RBBP4: variants seen among roughly 807,000 people sequenced by gnomAD.
RBBP4 encodes histone-binding protein RBBP4.
Under a neutral mutation model 57.2 loss-of-function variants are expected in RBBP4, and 3 were observed. The observed-to-expected ratio is 0.05, with a 90% CI of 0.02 to 0.14. The LOEUF is 0.14. RBBP4 is among the 10% of genes least tolerant of loss of function. The probability of loss-of-function intolerance (pLI) is 1.00; values close to 1 mark genes in which losing one functional copy is unlikely to be tolerated. For synonymous variants in RBBP4, 151 were observed against 171.5 expected (o/e 0.88, Z 0.93); for missense variants, 107 against 520.6 (o/e 0.21, Z 7.73).
intron 3 of RBBP4, 89 bp from the exon 4 acceptor site, chr1:32,668,136 A>G: frequency 7.9e-7 from 1 of 1,267,480 alleles, no homozygotes. Flanking sequence ...GTTGCTAAGG[A>G]AAAAAAATCC....
Position 32,681,598 on chromosome 1 carries a change from C to G in RBBP4, c.*1893C>G, listed in dbSNP as rs1649439953. On this transcript the variant is annotated 3_prime_UTR_variant, in exon 12 of 12. Coordinates refer to ENST00000373493, the MANE Select transcript of RBBP4 (RefSeq NM_005610.3). Reference sequence around the variant, plus strand: ...AAGACAGGAGGCTCATCTTTCCTTTCCTTGGTGCATTGAGATCAGTATCAA... The same window carrying G: ...AAGACAGGAGGCTCATCTTTCCTTTGCTTGGTGCATTGAGATCAGTATCAA... 1 of 587,116 alleles carries G rather than the reference C, an allele frequency of 1.7e-6. No individual in the cohort carries two copies. Among genetic ancestry groups the G allele is most frequent in the Non-Finnish European group, 3.0e-6 (1 of 331,032 alleles). 36.4% of individuals were successfully genotyped at this position (587,116 alleles called of 1,614,324 possible). A position where few individuals can be genotyped will look rare whatever the true frequency, so the allele number is the denominator to read the frequency against.
intron 2 of RBBP4, among the ~76,000 whole-genome samples, chr1:32,655,167 T>A (rs1648078615): frequency 1.3e-5 from 2 of 151,832 alleles, no homozygotes; most frequent in East Asian, 1.9e-4. Flanking sequence ...TTTTGAAAAA[T>A]TTTTTTGCTA....
intron 3 of RBBP4, among the ~76,000 whole-genome samples, chr1:32,665,099 G>A (rs1031589890): frequency 2.7e-4 from 41 of 152,162 alleles, no homozygotes; most frequent in African/African-American, 9.2e-4. Context: ...TATGTGTGAC[G>A]CACAATAAAA....
At chr1:32,661,474 A>G (rs896423294) in intron 3 of RBBP4, among the ~76,000 whole-genome samples, 4 of 151,508 alleles carry the variant, frequency 2.6e-5, no homozygotes, top group Non-Finnish European at 4.4e-5. Flanking sequence ...TTGTATTTTT[A>G]GTAGAGATGG....
At chr1:32,666,984 A>G (rs532545300) in intron 3 of RBBP4, among the ~76,000 whole-genome samples, 2 of 152,340 alleles carry the variant, frequency 1.3e-5, no homozygotes, top group South Asian at 4.1e-4. Flanking sequence ...ACGCCCGCAT[A>G]AGGGCCACTT....
chr1:32,658,361 T>TA (rs59613858), intron 3 of RBBP4, among the ~76,000 whole-genome samples: 125,129 of 142,164 alleles, frequency 0.88, 56,458 homozygotes, highest in Non-Finnish European at 0.98. Context: ...GGAGCAATAG[T>TA]AAAAAAAAAA....
chr1:32,659,432 C>T (rs946191109), intron 3 of RBBP4, among the ~76,000 whole-genome samples: 4 of 151,500 alleles, frequency 2.6e-5, no homozygotes, highest in African/African-American at 9.7e-5. Context: ...CAGTGGCACG[C>T]ACCTGTAATC....
In RBBP4 at chr1:32,683,994, T is replaced by C. The variant is rs1456158593; in HGVS notation, c.*4289T>C. On this transcript the variant is annotated 3_prime_UTR_variant, in exon 12 of 12. Coordinates refer to ENST00000373493, the MANE Select transcript of RBBP4 (RefSeq NM_005610.3). ...AGTAACAATGCAAACACCACTCTTCTCTTCACAAAGATCACCTTGAGACTG... is the reference window on the plus strand; with the variant it reads ...AGTAACAATGCAAACACCACTCTTCCCTTCACAAAGATCACCTTGAGACTG... The C allele has an allele frequency of 1.9e-6, 3 of 1,610,872 alleles. No individual in the cohort carries two copies. In the South Asian group the frequency reaches 3.3e-5, roughly 18 times the overall value.
At chr1:32,675,339 T>G (rs1649052914) in intron 11 of RBBP4, among the ~76,000 whole-genome samples, 1 of 151,422 alleles carries the variant, frequency 6.6e-6, no homozygotes, top group South Asian at 2.1e-4. Context: ...CCTGGCGTAA[T>G]AGCACTATTA....
Position 32,679,755 on chromosome 1 carries a change from C to T in RBBP4, c.*50C>T. 6.2e-7 allele frequency: 1 copy of T among 1,608,306 alleles called. No individual in the cohort carries two copies. The highest frequency in any genetic ancestry group is 8.5e-7 in the Non-Finnish European group (1 of 1,177,620). ...TAGACTCCCCTTTTTTCTTCTCAAC[C>T]CTGAGAGTGATTTAACACTGGTTTT... On this transcript the variant is annotated 3_prime_UTR_variant, in exon 12 of 12. Transcript: ENST00000373493.
chr1:32,669,580 C>A lies in RBBP4; in HGVS notation c.966+17C>A. ...ATATTCCAGGTAAGAGAAACTAATG[C>A]TACTATTTTGTTTGTTTTAAGAAAA... On this transcript the variant is annotated intron_variant, in intron 8 of 11. Coordinates refer to ENST00000373493, the MANE Select transcript of RBBP4 (RefSeq NM_005610.3). This position sits in a 1 kb window ranked among gnomAD's most constrained non-coding sequence, Gnocchi z 4.9. The A allele has an allele frequency of 6.3e-7, 1 of 1,585,916 alleles. No homozygotes were observed. The highest frequency in any genetic ancestry group is 8.5e-7 in the Non-Finnish European group (1 of 1,171,670).
chr1:32,651,575 GTT>G (rs1425965952), intron 1 of RBBP4: 1 of 1,047,382 alleles, frequency 9.5e-7, no homozygotes, highest in Non-Finnish European at 1.3e-6. Context: ...TCCGATATCG[GTT>G]TCTCGGCCTC....
In RBBP4 at chr1:32,683,879, C is replaced by A; in HGVS notation, c.*4174C>A. On this transcript the variant is annotated 3_prime_UTR_variant, in exon 12 of 12. Transcript: ENST00000373493. ...AACTCCTGACTCCAGGTGATCCACC[C>A]TCCTCAGCCTCCCAAAGTGCTAGGA... The A allele has an allele frequency of 1.2e-6, 1 of 821,200 alleles. No homozygotes were observed. Among genetic ancestry groups the A allele is most frequent in the Non-Finnish European group, 1.9e-6 (1 of 513,262 alleles). The allele number at this position is 821,200 out of a possible 1,614,324, so 50.9% of individuals were successfully genotyped here.
At position 32,680,661 on chromosome 1, in the gene RBBP4, C is replaced by G; in HGVS notation, c.*956C>G. ...AATTGCTTTTCTACATAACCCCATGCTGATGGGTTTTATTTAGTATAAAAC... is the reference window on the plus strand; with the variant it reads ...AATTGCTTTTCTACATAACCCCATGGTGATGGGTTTTATTTAGTATAAAAC... On this transcript the variant is annotated 3_prime_UTR_variant, in exon 12 of 12. Transcript: ENST00000373493. 1.0e-6 allele frequency: 1 copy of G among 973,518 alleles called. No homozygotes were observed. The highest frequency in any genetic ancestry group is 1.5e-6 in the Non-Finnish European group (1 of 648,380). The allele number at this position is 973,518 out of a possible 1,614,324, so 60.3% of individuals were successfully genotyped here.
chr1:32,666,969 C>CT (rs1266693949), intron 3 of RBBP4, among the ~76,000 whole-genome samples: 1 of 152,224 alleles, frequency 6.6e-6, no homozygotes, highest in Non-Finnish European at 1.5e-5. Context: ...GGTGAGCCCT[C>CT]TGTCACGCCC....
intron 11 of RBBP4, among the ~76,000 whole-genome samples, chr1:32,676,254 GA>G (rs1649096878): frequency 6.6e-6 from 1 of 152,152 alleles, no homozygotes; most frequent in African/African-American, 2.4e-5. Flanking sequence ...GCAGACTGAA[GA>G]ATAGCATAAT....
At chr1:32,660,904 G>A (rs1557853630) in intron 3 of RBBP4, among the ~76,000 whole-genome samples, 1 of 152,268 alleles carries the variant, frequency 6.6e-6, no homozygotes. Flanking sequence ...CTGCCTCCTG[G>A]GCTCAAGCAG....
intron 2 of RBBP4, among the ~76,000 whole-genome samples, chr1:32,655,783 T>G (rs954005044): frequency 6.6e-6 from 1 of 152,236 alleles, no homozygotes; most frequent in Non-Finnish European, 1.5e-5. Context: ...CATTTTCTCT[T>G]TCTCCATTTT....
At chr1:32,653,098 G>C (rs1327578064) in intron 2 of RBBP4, among the ~76,000 whole-genome samples, 2 of 152,114 alleles carry the variant, frequency 1.3e-5, no homozygotes, top group Non-Finnish European at 2.9e-5. Flanking sequence ...CTCTAGTAGA[G>C]GGGATAAAAT....
Sources: gnomAD v4.1 joint callset for allele counts (sites outside exome capture counted in the v4.1 genomes callset) on GRCh38, gnomAD v4.1.1 for gene constraint, Gnocchi (gnomAD v3.1) non-coding constraint, MANE v1.5 for transcripts, NCBI Gene and HGNC (gene_info 2026-07-23, HGNC 2026-07-21) for gene names.